UGGT2: variants seen among roughly 807,000 people sequenced by gnomAD.
The protein encoded by UGGT2 is UDP-glucose:glycoprotein glucosyltransferase 2.
Under a neutral mutation model 192.1 loss-of-function variants are expected in UGGT2, and 180 were observed. That is an observed-to-expected ratio of 0.94 (90% CI 0.83 to 1.06). The LOEUF is 1.06. UGGT2 is among the 50% of genes least tolerant of loss of function. The pLI, the probability that UGGT2 is intolerant of heterozygous loss-of-function variation, is 0.00. For missense variants in UGGT2, 1,849 were observed against 1,795.7 expected, an observed-to-expected ratio of 1.03 and a Z score of -0.54; for synonymous variants, 580 against 591.0, an observed-to-expected ratio of 0.98 and a Z score of 0.27.
chr13:95,911,265 T>TA (rs895963211), intron 20 of UGGT2, among the ~76,000 whole-genome samples: 6 of 151,760 alleles, frequency 4.0e-5, no homozygotes, highest in Admixed American at 3.9e-4. Context: ...GATAGAGACA[T>TA]AAAAAACCCT....
intron 31 of UGGT2, 129 bp downstream of exon 31, chr13:95,863,500 T>C: frequency 1.5e-6 from 1 of 674,218 alleles, no homozygotes; most frequent in Non-Finnish European, 2.6e-6. Context: ...GTAACATTTA[T>C]GTATTTATCT....
intron 2 of UGGT2, among the ~76,000 whole-genome samples, chr13:96,024,085 A>G (rs1181385235): frequency 4.6e-5 from 7 of 152,220 alleles, no homozygotes; most frequent in African/African-American, 1.7e-4. Context: ...TCCTACCTAC[A>G]AGGTAGAAAT....
Position 96,034,062 on chromosome 13 carries a change from C to T in UGGT2, c.159-2091G>A, listed in dbSNP as rs73545116. On this transcript the variant is annotated intron_variant, in intron 1 of 38. Coordinates refer to ENST00000376747, the MANE Select transcript of UGGT2 (RefSeq NM_020121.4). ...CGGCCTACCCAGGGCCTCCCATGGA[C>T]GAGTCAGCACACACTTACCCCCCTC... is the stretch of plus-strand genomic sequence containing the variant. 5.8e-3 allele frequency among the ~76,000 whole-genome samples: 876 copies of T among 152,222 alleles called. 7 individuals carry two copies. The highest frequency in any genetic ancestry group is 0.02 in the African/African-American group (828 of 41,538).
At position 95,971,869 on chromosome 13, in the gene UGGT2, G is replaced by A. The variant is rs895644655; in HGVS notation, c.1184+711C>T. ...TATTTTCCAACGTATTTCCAAACTG[G>A]TAAGAATTTAAATAAACAATTCAAA... On this transcript the variant is annotated intron_variant, in intron 11 of 38. Coordinates refer to ENST00000376747, the MANE Select transcript of UGGT2 (RefSeq NM_020121.4). Among the ~76,000 whole-genome samples the A allele has an allele frequency of 6.6e-5, 10 of 152,042 alleles. 1 individual carries two copies. Among genetic ancestry groups the A allele is most frequent in the Non-Finnish European group, 1.2e-4 (8 of 68,002 alleles).
intron 12 of UGGT2, among the ~76,000 whole-genome samples, chr13:95,964,281 C>G (rs2050496014): frequency 6.6e-6 from 1 of 152,118 alleles, no homozygotes; most frequent in Non-Finnish European, 1.5e-5. Flanking sequence ...AATAATGAAG[C>G]TAGACCACCA....
chr13:95,809,292 A>G (rs1024376408), intron 38 of UGGT2: 23 of 513,514 alleles, frequency 4.5e-5, no homozygotes, highest in Non-Finnish European at 1.5e-5. Flanking sequence ...CTGATAAGAC[A>G]TGGTATAGGA....
At chr13:95,839,853 T>C (rs554904879) in intron 36 of UGGT2, among the ~76,000 whole-genome samples, 44 of 152,318 alleles carry the variant, frequency 2.9e-4, no homozygotes, top group African/African-American at 9.9e-4. Flanking sequence ...TGGTATCTCA[T>C]TGTGGTTTTG....
Position 95,840,357 on chromosome 13 carries a change from A to C in UGGT2, c.4285-3155T>G, listed in dbSNP as rs1396339132. The stretch of plus-strand genomic sequence containing the variant: ...CTTAAACAAATTTACAAGAAAAAAA[A>C]CAACCCCATCAAAAAGTGGGCGAAG... On this transcript the variant is annotated intron_variant, in intron 36 of 38. Coordinates refer to ENST00000376747, the MANE Select transcript of UGGT2 (RefSeq NM_020121.4). Among the ~76,000 whole-genome samples the C allele has an allele frequency of 3.3e-5, 5 of 152,284 alleles. No homozygotes were observed. In the South Asian group the frequency reaches 8.3e-4, roughly 25 times the overall value.
At chr13:95,960,245 TA>T in intron 12 of UGGT2, among the ~76,000 whole-genome samples, 1 of 152,204 alleles carries the variant, frequency 6.6e-6, no homozygotes, top group Non-Finnish European at 1.5e-5. Flanking sequence ...GATCCCAATC[TA>T]AAAGACATTT....
At chr13:96,044,497 A>T (rs887453204) in intron 1 of UGGT2, among the ~76,000 whole-genome samples, 1 of 152,216 alleles carries the variant, frequency 6.6e-6, no homozygotes, top group Non-Finnish European at 1.5e-5. Context: ...TGAAATAACC[A>T]AGATTAGAGC....
At chr13:95,950,190 T>C (rs1480878300) in intron 12 of UGGT2, among the ~76,000 whole-genome samples, 1 of 152,088 alleles carries the variant, frequency 6.6e-6, no homozygotes, top group East Asian at 1.9e-4. Flanking sequence ...AAAATCTCCA[T>C]ACAAATTCCT....
chr13:95,884,589 C>T lies in UGGT2; in HGVS notation c.3130G>A (p.Glu1044Lys). ...GPVAKFLDIPESPLLILNMIT... is the reference protein window; with the variant it reads ...GPVAKFLDIPKSPLLILNMIT... ...ATGTTGAGGATTAGGAGGGGTGATT[C>T]AGGAATATCCAAAAATTTTGCCACT... The change falls in exon 27 of 39, where the codon GAA (glutamate) becomes AAA (lysine). Residue 1044 changes from glutamate to lysine, a missense_variant. Physicochemically the swap from Glu to Lys is moderately conservative, Grantham distance 56. Transcript: ENST00000376747. 1 of 1,613,962 alleles carries T rather than the reference C, an allele frequency of 6.2e-7. No individual in the cohort carries two copies. Among genetic ancestry groups the T allele is most frequent in the Non-Finnish European group, 8.5e-7 (1 of 1,179,926 alleles).
intron 4 of UGGT2, among the ~76,000 whole-genome samples, chr13:96,016,560 T>C (rs1006704381): frequency 1.3e-5 from 2 of 152,170 alleles, no homozygotes; most frequent in African/African-American, 4.8e-5. Flanking sequence ...AGTTTATACA[T>C]GGTCTCATGT....
At chr13:96,031,771 C>T (rs552346387) in intron 2 of UGGT2, 118 bp downstream of exon 2, 7 of 669,472 alleles carry the variant, frequency 1.0e-5, no homozygotes, top group East Asian at 8.8e-5. Context: ...ATTTAATGTT[C>T]GGATTTACTA....
intron 20 of UGGT2, among the ~76,000 whole-genome samples, chr13:95,908,267 G>C (rs867996844): frequency 1.3e-5 from 2 of 152,156 alleles, no homozygotes; most frequent in Non-Finnish European, 2.9e-5. Context: ...CCAAATCTAC[G>C]TATGACTGGT....
At chr13:96,026,659 C>CTTTTTTTTTTT (rs71211702) in intron 2 of UGGT2, among the ~76,000 whole-genome samples, 2 of 101,536 alleles carry the variant, frequency 2.0e-5, no homozygotes, top group Non-Finnish European at 3.9e-5. Flanking sequence ...TTTCACTCTT[C>CTTTTTTTTTTT]TTTTTTTTTT....
chr13:96,036,096 A>C (rs894451773), intron 1 of UGGT2, among the ~76,000 whole-genome samples: 3 of 152,246 alleles, frequency 2.0e-5, no homozygotes, highest in African/African-American at 7.2e-5. Flanking sequence ...ATGAATATAC[A>C]TGCACACATA....
At chr13:95,909,573 A>T in intron 20 of UGGT2, among the ~76,000 whole-genome samples, 1 of 118,140 alleles carries the variant, frequency 8.5e-6, no homozygotes, top group East Asian at 2.6e-4. Context: ...GGACACAGGA[A>T]GGGGAATATC....
intron 14 of UGGT2, 112 bp downstream of exon 14, chr13:95,947,884 G>A: frequency 1.3e-6 from 1 of 749,064 alleles, no homozygotes. Flanking sequence ...GTTATGTCAG[G>A]CACTAGAGCT....
Sources: gnomAD v4.1 joint callset for allele counts (sites outside exome capture counted in the v4.1 genomes callset) on GRCh38, gnomAD v4.1.1 for gene constraint, MANE v1.5 for transcripts, NCBI Gene and HGNC (gene_info 2026-07-23, HGNC 2026-07-21) for gene names.